IFNGR2: variants seen among roughly 807,000 people sequenced by gnomAD.
IFNGR2 encodes the protein IFN-gamma receptor 2.
Under a neutral mutation model 41.1 loss-of-function variants are expected in IFNGR2, and 15 were observed. That is an observed-to-expected ratio of 0.37 (90% CI 0.24 to 0.56). The LOEUF (loss-of-function observed/expected upper bound fraction) is 0.56. Ranked by LOEUF, IFNGR2 falls within the 20% of genes least tolerant of loss-of-function variation. The pLI is 0.81. For synonymous variants in IFNGR2, 161 were observed against 171.6 expected, an observed-to-expected ratio of 0.94 and a Z score of 0.48; for missense variants, 362 against 415.7, an observed-to-expected ratio of 0.87 and a Z score of 1.12.
intron 1 of IFNGR2, among the ~76,000 whole-genome samples, chr21:33,405,020 G>A (rs1568948169): frequency 6.6e-6 from 1 of 151,364 alleles, no homozygotes; most frequent in African/African-American, 2.4e-5. Context: ...TCAGGAGGCC[G>A]AGGCGGGAGA....
intron 3 of IFNGR2, among the ~76,000 whole-genome samples, chr21:33,423,651 C>T (rs1323213089): frequency 6.6e-6 from 1 of 151,964 alleles, no homozygotes; most frequent in Non-Finnish European, 1.5e-5. Flanking sequence ...ATCCGCCCAT[C>T]TCAGCCTCCC....
intron 3 of IFNGR2, among the ~76,000 whole-genome samples, chr21:33,422,428 C>T (rs1432282256): frequency 1.3e-5 from 2 of 152,062 alleles, no homozygotes; most frequent in Non-Finnish European, 2.9e-5. Context: ...TGATCACCGT[C>T]TAGATATTTG....
At chr21:33,421,772 T>C (rs1186767524) in intron 3 of IFNGR2, 87 bp downstream of exon 3, 4 of 1,038,794 alleles carry the variant, frequency 3.9e-6, no homozygotes, top group East Asian at 4.7e-5. Context: ...CTGTCCTGCC[T>C]GTCACCCTAA....
intron 3 of IFNGR2, among the ~76,000 whole-genome samples, chr21:33,426,252 A>G (rs2083834828): frequency 6.6e-6 from 1 of 152,046 alleles, no homozygotes; most frequent in Admixed American, 6.6e-5. Context: ...GTCTCTACTA[A>G]AAATACAAAA....
At position 33,411,227 on chromosome 21, in the gene IFNGR2, G is replaced by A. The variant is rs560269752; in HGVS notation, c.74-3661G>A. Among the ~76,000 whole-genome samples the A allele has an allele frequency of 3.9e-5, 6 of 152,328 alleles. No individual in the cohort carries two copies. In the East Asian group the frequency reaches 9.6e-4, roughly 24 times the overall value. ...ACACCTCAGTGAAACGGAAAATGAAGGAAATGGAAGGCTGGCATGGGAACC... is the reference window on the plus strand; with the variant it reads ...ACACCTCAGTGAAACGGAAAATGAAAGAAATGGAAGGCTGGCATGGGAACC... On this transcript the variant is annotated intron_variant, in intron 1 of 6. Coordinates refer to ENST00000290219, the MANE Select transcript of IFNGR2 (RefSeq NM_005534.4).
chr21:33,421,764 G>C (rs760942814), intron 3 of IFNGR2, 79 bp downstream of exon 3: 3 of 1,073,478 alleles, frequency 2.8e-6, no homozygotes, highest in Admixed American at 1.7e-5. Context: ...ACACACCTCT[G>C]TCCTGCCTGT....
chr21:33,418,298 C>T (rs968844172), intron 2 of IFNGR2, among the ~76,000 whole-genome samples: 1 of 152,160 alleles, frequency 6.6e-6, no homozygotes, highest in Non-Finnish European at 1.5e-5. Context: ...CTCAGGTGAT[C>T]CGCCCACCTA....
At position 33,428,991 on chromosome 21, in the gene IFNGR2, A is replaced by C. The variant is rs984311184; in HGVS notation, c.561+1959A>C. Among the ~76,000 whole-genome samples the C allele has an allele frequency of 4.6e-5, 7 of 152,292 alleles. No homozygotes were observed. In the South Asian group the frequency reaches 1.5e-3, roughly 32 times the overall value. ...CAGGACCCTGGGGCCAGCCTTGTTG[A>C]GCAGCAAGCTCTAATGAAGAGCACA... On this transcript the variant is annotated intron_variant, in intron 4 of 6. Transcript: ENST00000290219.
intron 2 of IFNGR2, among the ~76,000 whole-genome samples, chr21:33,417,724 C>G (rs901020124): frequency 3.0e-4 from 46 of 152,180 alleles, no homozygotes. Context: ...GCCCTACCCT[C>G]AGCATTCAGC....
chr21:33,426,804 T>C (rs1225398883), intron 3 of IFNGR2, 80 bp from the exon 4 acceptor site: 3 of 867,570 alleles, frequency 3.5e-6, no homozygotes, highest in South Asian at 3.0e-5. Context: ...CATATATATA[T>C]AGCATTATAT....
chr21:33,410,904 G>A, intron 1 of IFNGR2: 2 of 1,517,506 alleles, frequency 1.3e-6, no homozygotes, highest in Non-Finnish European at 1.8e-6. Context: ...TAAGACAAGA[G>A]TATCTGGGTG....
At chr21:33,407,745 G>A (rs1045024257) in intron 1 of IFNGR2, among the ~76,000 whole-genome samples, 13 of 151,968 alleles carry the variant, frequency 8.6e-5, no homozygotes, top group Non-Finnish European at 1.9e-4. Flanking sequence ...ATAGGCACCT[G>A]CCACCATGCT....
chr21:33,421,423 A>G, intron 2 of IFNGR2, 57 bp from the exon 3 acceptor site: 1 of 1,367,158 alleles, frequency 7.3e-7, no homozygotes, highest in Non-Finnish European at 1.0e-6. Flanking sequence ...GCTCTGGGGA[A>G]ACTATTACAC....
chr21:33,421,722 T>C (rs1463267630), intron 3 of IFNGR2, 37 bp downstream of exon 3: 1 of 1,522,130 alleles, frequency 6.6e-7, no homozygotes, highest in East Asian at 2.2e-5. Flanking sequence ...CTTTATACTT[T>C]CCAGGTTTTC....
At chr21:33,432,631 T>C in intron 5 of IFNGR2, 83 bp from the exon 6 acceptor site, 1 of 1,479,490 alleles carries the variant, frequency 6.8e-7, no homozygotes, top group South Asian at 1.1e-5. Context: ...GAATGCTCTT[T>C]AAGCAGCATG....
At chr21:33,433,859 C>T (rs1390570024) in intron 6 of IFNGR2, among the ~76,000 whole-genome samples, 2 of 151,940 alleles carry the variant, frequency 1.3e-5, no homozygotes, top group Non-Finnish European at 2.9e-5. Context: ...GCAGTAGACC[C>T]CTCTCCGAGG....
Position 33,403,435 on chromosome 21 carries a change from C to G in IFNGR2, c.-109C>G, listed in dbSNP as rs1308839766. On this transcript the variant is annotated 5_prime_UTR_variant, in exon 1 of 7. Coordinates refer to ENST00000290219, the MANE Select transcript of IFNGR2 (RefSeq NM_005534.4). ...GCTGCTGCTCGGGAAGAGGCGGGCCCTGCGCGCCCTGCGCTCGCCATGGCG... is the reference window on the plus strand; with the variant it reads ...GCTGCTGCTCGGGAAGAGGCGGGCCGTGCGCGCCCTGCGCTCGCCATGGCG... The G allele has an allele frequency of 1.7e-6, 1 of 580,218 alleles. No homozygotes were observed. The highest frequency in any genetic ancestry group is 9.2e-5 in the East Asian group (1 of 10,894). The allele number at this position is 580,218 out of a possible 1,614,324, so 35.9% of individuals were successfully genotyped here.
chr21:33,429,632 G>C lies in IFNGR2; in HGVS notation c.562-2545G>C, dbSNP rs1484020301. 2.6e-5 allele frequency among the ~76,000 whole-genome samples: 4 copies of C among 152,276 alleles called. No individual in the cohort carries two copies. In the East Asian group the frequency reaches 5.8e-4, roughly 22 times the overall value. ...ACCAGCAAGCTGTGACTGCACATGTGAACTGTTGTCTGCCAGGGAGGCTTA... is the reference window on the plus strand; with the variant it reads ...ACCAGCAAGCTGTGACTGCACATGTCAACTGTTGTCTGCCAGGGAGGCTTA... On this transcript the variant is annotated intron_variant, in intron 4 of 6. Coordinates refer to ENST00000290219, the MANE Select transcript of IFNGR2 (RefSeq NM_005534.4).
At chr21:33,405,891 C>T (rs2083674088) in intron 1 of IFNGR2, among the ~76,000 whole-genome samples, 1 of 151,622 alleles carries the variant, frequency 6.6e-6, no homozygotes, top group South Asian at 2.1e-4. Flanking sequence ...AATTAGGGGG[C>T]GTGATGGTAC....
Sources: gnomAD v4.1 joint callset for allele counts (sites outside exome capture counted in the v4.1 genomes callset) on GRCh38, gnomAD v4.1.1 for gene constraint, MANE v1.5 for transcripts, NCBI Gene and HGNC (gene_info 2026-07-23, HGNC 2026-07-21) for gene names.